ESRRB: variants seen among roughly 807,000 people sequenced by gnomAD.
ESRRB encodes steroid hormone receptor ERR2.
A neutral mutation model predicts 46.0 loss-of-function variants in ESRRB; 16 were observed. The ratio of observed to expected loss-of-function variants is 0.35; its 90% confidence interval spans 0.24 to 0.53. The LOEUF (loss-of-function observed/expected upper bound fraction) is 0.53, where lower values mean the gene tolerates loss of function less well. Among genes scored for constraint, ESRRB ranks in the 20% least tolerant of loss-of-function variants. The pLI is 0.93. For synonymous variants in ESRRB, 246 were observed against 259.6 expected (o/e 0.95, Z 0.50); for missense variants, 488 against 607.4 (o/e 0.80, Z 2.07).
intron 6 of ESRRB, 150 bp from the exon 7 acceptor site, chr14:76,498,064 C>T (rs1415225736): frequency 1.1e-6 from 1 of 911,252 alleles, no homozygotes; most frequent in African/African-American, 1.6e-5. Context: ...CTTCTGTGAC[C>T]TCTCTGGGCC....
intron 3 of ESRRB, among the ~76,000 whole-genome samples, chr14:76,479,110 G>A (rs1406968675): frequency 1.3e-5 from 2 of 152,112 alleles, no homozygotes; most frequent in Admixed American, 1.3e-4. Context: ...AGATTTTGAG[G>A]CATCTAACAA....
At chr14:76,457,028 T>C (rs1400762742) in intron 2 of ESRRB, among the ~76,000 whole-genome samples, 1 of 152,060 alleles carries the variant, frequency 6.6e-6, no homozygotes, top group Non-Finnish European at 1.5e-5. Flanking sequence ...TGTCCGAGCT[T>C]AGCAACCCCC....
chr14:76,462,586 A>C lies in ESRRB; in HGVS notation c.502A>C (p.Ile168Leu). Residue 168 changes from isoleucine to leucine, a missense_variant, in exon 3 of 7, where the codon ATC becomes CTC. Transcript: ENST00000644823. ...YSCPATNECE[I>L]TKRRRKSCQA... Reference sequence around the variant, plus strand: ...CTGCCCGGCCACCAACGAGTGCGAGATCACCAAACGGAGGCGCAAGTCCTG... The same window carrying C: ...CTGCCCGGCCACCAACGAGTGCGAGCTCACCAAACGGAGGCGCAAGTCCTG... 6.2e-7 allele frequency: 1 copy of C among 1,614,088 alleles called. No homozygotes were observed. The highest frequency in any genetic ancestry group is 2.2e-5 in the East Asian group (1 of 44,878).
chr14:76,416,749 G>T (rs1886722619), intron 1 of ESRRB, among the ~76,000 whole-genome samples: 1 of 152,160 alleles, frequency 6.6e-6, no homozygotes, highest in Non-Finnish European at 1.5e-5. Context: ...GATTTCAGGT[G>T]TGAGCCACTA....
rs773709013 is a variant in ESRRB, at chr14:76,499,868, C to G, written c.*1410C>G. On this transcript the variant is annotated 3_prime_UTR_variant, in exon 7 of 7. Transcript: ENST00000644823. ...ACACCCATTTGTGCTCACAGGTTGG[C>G]CAAGAGCAGCTTAGAGGATCTCCCA... 1 of 1,614,122 alleles carries G rather than the reference C, an allele frequency of 6.2e-7. No individual in the cohort carries two copies. The highest frequency in any genetic ancestry group is 1.1e-5 in the South Asian group (1 of 91,078).
intron 1 of ESRRB, among the ~76,000 whole-genome samples, chr14:76,342,876 G>A (rs764577695): frequency 1.1e-4 from 16 of 152,328 alleles, no homozygotes; most frequent in Non-Finnish European, 1.9e-4. Flanking sequence ...TGACAGCCAC[G>A]TTCCTGCTTT....
chr14:76,421,449 A>G (rs1035714508), intron 1 of ESRRB, among the ~76,000 whole-genome samples: 5 of 152,230 alleles, frequency 3.3e-5, no homozygotes, highest in African/African-American at 9.6e-5. Flanking sequence ...GCACATAGCA[A>G]GTGCTTAAAA....
At chr14:76,460,926 G>A (rs559122198) in intron 2 of ESRRB, among the ~76,000 whole-genome samples, 19 of 151,870 alleles carry the variant, frequency 1.3e-4, no homozygotes, top group East Asian at 5.8e-4. Flanking sequence ...GGCTGGTCTC[G>A]AACTCCATAC....
At chr14:76,354,872 G>C (rs1884360480) in intron 1 of ESRRB, among the ~76,000 whole-genome samples, 1 of 151,920 alleles carries the variant, frequency 6.6e-6, no homozygotes, top group Non-Finnish European at 1.5e-5. Flanking sequence ...ACCACGCCCG[G>C]CTAATTTTTT....
chr14:76,407,504 GT>G lies in ESRRB; in HGVS notation c.50+31054del, dbSNP rs1886241784. ...TTAGGGACCAGAGTCTGGTATCTAA[GT>G]GCGATCTTACTCTAGCTTTCCCATC... On this transcript the variant is annotated intron_variant, in intron 1 of 6. Coordinates refer to ENST00000644823, the MANE Select transcript of ESRRB (RefSeq NM_001379180.1). 7 of 981,752 alleles carry G rather than the reference GT, an allele frequency of 7.1e-6. No homozygotes were observed. The South Asian group carries it at 3.3e-4, about 46-fold the overall frequency. The allele number at this position is 981,752 out of a possible 1,614,324, so 60.8% of individuals were successfully genotyped here.
At chr14:76,344,548 C>T (rs752135017) in intron 1 of ESRRB, among the ~76,000 whole-genome samples, 1 of 152,208 alleles carries the variant, frequency 6.6e-6, no homozygotes, top group South Asian at 2.1e-4. Flanking sequence ...TGAGTTACTT[C>T]GCTTGGAATA....
chr14:76,362,955 A>G (rs1884481145), intron 1 of ESRRB, among the ~76,000 whole-genome samples: 1 of 152,190 alleles, frequency 6.6e-6, no homozygotes, highest in South Asian at 2.1e-4. Context: ...AGGCAAAAAC[A>G]TTTCTGTTTG....
chr14:76,337,562 G>A (rs925589764), intron 1 of ESRRB, among the ~76,000 whole-genome samples: 3 of 152,166 alleles, frequency 2.0e-5, no homozygotes, highest in East Asian at 1.9e-4. Flanking sequence ...GTGGGCGGGG[G>A]CTGGATGGGG....
At chr14:76,413,268 C>T (rs1008877968) in intron 1 of ESRRB, among the ~76,000 whole-genome samples, 1 of 152,194 alleles carries the variant, frequency 6.6e-6, no homozygotes, top group African/African-American at 2.4e-5. Context: ...TTCTAGCTGG[C>T]CTCTGCCCAC....
intron 3 of ESRRB, among the ~76,000 whole-genome samples, 191 bp from the exon 4 acceptor site, chr14:76,481,825 C>T (rs1040254395): frequency 4.6e-5 from 7 of 152,168 alleles, no homozygotes; most frequent in African/African-American, 1.2e-4. Context: ...CAACGGGATG[C>T]GCCATTACTG....
In ESRRB at chr14:76,499,269, C is replaced by T. The variant is rs1463309157; in HGVS notation, c.*811C>T. The T allele has an allele frequency of 8.1e-6, 2 of 246,742 alleles. No homozygotes were observed. Among genetic ancestry groups the T allele is most frequent in the Non-Finnish European group, 1.6e-5 (2 of 125,418 alleles). 15.3% of individuals were successfully genotyped at this position (246,742 alleles called of 1,614,324 possible). ...AGGAACGCGCTGGCACAGAGAAGAG[C>T]GGGGACCACACCATCCTCCCAAGAA... On this transcript the variant is annotated 3_prime_UTR_variant, in exon 7 of 7. Transcript: ENST00000644823.
intron 1 of ESRRB, among the ~76,000 whole-genome samples, chr14:76,418,982 T>C (rs187964688): frequency 6.6e-6 from 1 of 152,196 alleles, no homozygotes; most frequent in African/African-American, 2.4e-5. Context: ...CAACTATCTA[T>C]TTTTATCTGG....
chr14:76,486,564 T>C (rs545762942), intron 5 of ESRRB, among the ~76,000 whole-genome samples: 2 of 152,300 alleles, frequency 1.3e-5, no homozygotes, highest in Admixed American at 6.5e-5. Context: ...CGTGCTTTTT[T>C]TTTTTCCCCC....
intron 1 of ESRRB, among the ~76,000 whole-genome samples, chr14:76,340,415 G>A (rs1398372238): frequency 6.6e-6 from 1 of 152,202 alleles, no homozygotes. Context: ...AAAGAGCCAG[G>A]AAGACCTAGG....
Sources: allele counts gnomAD v4.1 joint callset (sites outside exome capture counted in the v4.1 genomes callset), GRCh38; gene constraint gnomAD v4.1.1; transcripts MANE v1.5; gene names NCBI Gene and HGNC (gene_info 2026-07-23, HGNC 2026-07-21).